The following SYNE2 variants were observed in gnomAD, a reference collection of about 807,000 sequenced individuals.
SYNE2 encodes the protein spectrin repeat containing nuclear envelope protein 2.
SYNE2 carries 431 observed loss-of-function variants against 856.3 expected under a neutral mutation model. The observed-to-expected ratio is 0.50, with a 90% CI of 0.47 to 0.55. The LOEUF is 0.55. SYNE2 is among the 20% of genes least tolerant of loss of function. The pLI, the probability that SYNE2 is intolerant of heterozygous loss-of-function variation, is 0.00. For missense variants in SYNE2, 8,129 were observed against 8,023.2 expected (o/e 1.01, Z -0.50); for synonymous variants, 2,923 against 2,872.3 (o/e 1.02, Z -0.56).
Position 64,126,337 on chromosome 14 carries a change from C to T in SYNE2, c.13565C>T (p.Thr4522Ile). ...ASNLQTQENMTEEAYINLDKK... is the reference protein window; with the variant it reads ...ASNLQTQENMIEEAYINLDKK... ...TTCCTCTTGATTCAGGAAAATATGACAGAAGAAGCATATATCAATTTGGAT... is the reference window on the plus strand; with the variant it reads ...TTCCTCTTGATTCAGGAAAATATGATAGAAGAAGCATATATCAATTTGGAT... Residue 4522 changes from threonine (T) to isoleucine (I), a missense_variant, in exon 72 of 116, where the codon ACA (threonine) becomes ATA (isoleucine). Physicochemically the swap from Thr to Ile is moderately conservative, Grantham distance 89. Around this residue, in one of 3 missense-constraint regions of SYNE2, gnomAD observed 5,410 missense variants for 5,284.8 expected, o/e 1.02. Coordinates refer to ENST00000555002, the MANE Select transcript of SYNE2 (RefSeq NM_182914.3). The T allele has an allele frequency of 6.2e-7, 1 of 1,613,680 alleles. No individual in the cohort carries two copies. Among genetic ancestry groups the T allele is most frequent in the Non-Finnish European group, 8.5e-7 (1 of 1,179,614 alleles).
chr14:64,070,210 A>C (rs1005696555), intron 51 of SYNE2, among the ~76,000 whole-genome samples: 2 of 152,150 alleles, frequency 1.3e-5, no homozygotes, highest in African/African-American at 2.4e-5. Flanking sequence ...TGCTGGCCTT[A>C]CTTTTTTAGC....
intron 45 of SYNE2, among the ~76,000 whole-genome samples, chr14:64,042,356 A>G (rs1432665381): frequency 2.0e-5 from 3 of 152,250 alleles, no homozygotes; most frequent in Admixed American, 6.5e-5. Flanking sequence ...GGAGAGGAAG[A>G]GATGAAAAGG....
At chr14:64,190,990 G>A in intron 99 of SYNE2, 1 of 702,310 alleles carries the variant, frequency 1.4e-6, no homozygotes, top group South Asian at 1.5e-5. Flanking sequence ...GGGACCACTT[G>A]TGCAGCTGTG....
intron 1 of SYNE2, among the ~76,000 whole-genome samples, chr14:63,907,352 C>T (rs955725544): frequency 1.3e-5 from 2 of 152,168 alleles, no homozygotes; most frequent in African/African-American, 2.4e-5. Context: ...AGAGCATGAA[C>T]TCTGAAGCCC....
intron 85 of SYNE2, among the ~76,000 whole-genome samples, chr14:64,155,280 G>GTACA (rs1337971562): frequency 1.6e-5 from 2 of 124,078 alleles, no homozygotes; most frequent in African/African-American, 7.1e-5. Flanking sequence ...GAATGAAGTA[G>GTACA]TACATACATA....
At chr14:63,965,816 C>T (rs1039798824) in intron 10 of SYNE2, among the ~76,000 whole-genome samples, 2 of 152,222 alleles carry the variant, frequency 1.3e-5, no homozygotes, top group African/African-American at 2.4e-5. Context: ...TTGGTCTGAA[C>T]TGCATAGGCT....
intron 45 of SYNE2, among the ~76,000 whole-genome samples, chr14:64,038,248 G>T (rs1483835454): frequency 1.3e-5 from 2 of 150,348 alleles, no homozygotes; most frequent in East Asian, 3.9e-4. Flanking sequence ...CAGGATGGCG[G>T]CCGGGAAGAG....
rs564321149 is a variant in SYNE2 at position 64,172,684 on chromosome 14, C to A, written c.17235+2222C>A. Among the ~76,000 whole-genome samples the A allele has an allele frequency of 1.8e-4, 28 of 152,258 alleles. No homozygotes were observed. The South Asian group carries it at 5.0e-3, about 27-fold the overall frequency. The stretch of plus-strand genomic sequence containing the variant: ...TGATGAGAATTGGCTGAAATCCCAA[C>A]ACTTTGGGAGGCCGAGGTGGGAGGA... On this transcript the variant is annotated intron_variant, in intron 94 of 115. Coordinates refer to ENST00000555002, the MANE Select transcript of SYNE2 (RefSeq NM_182914.3).
chr14:63,803,526 C>T (rs1888241642), intron 1 of SYNE2, among the ~76,000 whole-genome samples: 1 of 152,230 alleles, frequency 6.6e-6, no homozygotes, highest in East Asian at 1.9e-4. Context: ...TCCCTCATTG[C>T]CCGGGGCAGC....
chr14:63,817,312 A>G (rs1889031094), intron 1 of SYNE2, among the ~76,000 whole-genome samples: 1 of 151,860 alleles, frequency 6.6e-6, no homozygotes, highest in Non-Finnish European at 1.5e-5. Flanking sequence ...AAACACACAC[A>G]CAAAATTAGC....
At chr14:64,037,858 C>A (rs1424401275) in intron 45 of SYNE2, among the ~76,000 whole-genome samples, 2 of 149,952 alleles carry the variant, frequency 1.3e-5, no homozygotes, top group African/African-American at 2.5e-5. Flanking sequence ...ACCCCCACCT[C>A]CCTCCCGGAC....
intron 47 of SYNE2, among the ~76,000 whole-genome samples, chr14:64,051,004 G>C (rs1353469777): frequency 1.3e-5 from 2 of 149,726 alleles, no homozygotes; most frequent in African/African-American, 5.0e-5. Context: ...CTGGGTGACA[G>C]AGTGAGACTC....
Position 64,051,853 on chromosome 14 carries a change from A to C in SYNE2, c.7940A>C (p.Gln2647Pro), listed in dbSNP as rs1177392138. 13 of 1,613,988 alleles carry C rather than the reference A, an allele frequency of 8.1e-6. No individual in the cohort carries two copies. Among genetic ancestry groups the C allele is most frequent in the Non-Finnish European group, 7.6e-6 (9 of 1,180,040 alleles). ...GAGATTTCTCTGCAACAGCAGCAGC[A>C]ACATCTACAGTTAAGGCTGAAGTCT... ...DTEISLQQQQ[Q>P]HLQLRLKSPE... The change falls in exon 48 of 116, where the codon CAA becomes CCA. Residue 2647 changes from glutamine to proline, a missense_variant. Transcript: ENST00000555002.
intron 51 of SYNE2, among the ~76,000 whole-genome samples, chr14:64,067,779 A>T (rs2097368957): frequency 6.6e-6 from 1 of 152,176 alleles, no homozygotes; most frequent in African/African-American, 2.4e-5. Context: ...TACTATAACT[A>T]TTCACTTGTG....
chr14:63,947,300 T>C (rs528728457), intron 6 of SYNE2, among the ~76,000 whole-genome samples: 3 of 152,226 alleles, frequency 2.0e-5, no homozygotes, highest in Non-Finnish European at 4.4e-5. Flanking sequence ...CTTGTGCTAT[T>C]GAACACTTGA....
chr14:63,793,024 A>C (rs373432920), intron 1 of SYNE2, among the ~76,000 whole-genome samples: 1 of 152,128 alleles, frequency 6.6e-6, no homozygotes, highest in Admixed American at 6.6e-5. Flanking sequence ...ATATTATCAT[A>C]CTTTTTTTAA....
In SYNE2 at chr14:63,934,579, C is replaced by T. The variant is rs560477732; in HGVS notation, c.80-6035C>T. Among the ~76,000 whole-genome samples, 3 of 151,568 alleles carry T rather than the reference C, an allele frequency of 2.0e-5. No individual in the cohort carries two copies. In the South Asian group the frequency reaches 6.3e-4, roughly 32 times the overall value. ...TTATTTGGAAATAGCTCAAAATGGC[C>T]GAGGTTTCCAGGTGGGCATGGATTG... On this transcript the variant is annotated intron_variant, in intron 2 of 115. Transcript: ENST00000555002.
chr14:63,809,462 T>C (rs1163548900), intron 1 of SYNE2, among the ~76,000 whole-genome samples: 1 of 152,178 alleles, frequency 6.6e-6, no homozygotes. Flanking sequence ...TATGATCCTA[T>C]AATCAAGTGG....
At chr14:64,216,446 AAGAG>A (rs1195758949) in intron 108 of SYNE2, 59 bp downstream of exon 108, 6 of 1,586,622 alleles carry the variant, frequency 3.8e-6, no homozygotes, top group Non-Finnish European at 5.2e-6. Context: ...TTACATTTGC[AAGAG>A]AGAGAGATTT....
Sources: allele counts gnomAD v4.1 joint callset (sites outside exome capture counted in the v4.1 genomes callset), GRCh38; gene constraint gnomAD v4.1.1; regional missense constraint gnomAD v4.1.1; transcripts MANE v1.5; gene names NCBI Gene and HGNC (gene_info 2026-07-23, HGNC 2026-07-21).